The following S100PBP variants were observed in gnomAD, a reference collection of about 807,000 sequenced individuals.
S100PBP encodes S100P-binding protein.
Under a neutral mutation model 39.9 loss-of-function variants are expected in S100PBP, and 15 were observed. That is an observed-to-expected ratio of 0.38 (90% CI 0.25 to 0.58). The LOEUF (loss-of-function observed/expected upper bound fraction) is 0.58, where lower values mean the gene tolerates loss of function less well. Ranked by LOEUF, S100PBP falls within the 20% of genes least tolerant of loss-of-function variation. S100PBP has a pLI of 0.70. For missense variants in S100PBP, 504 were observed against 487.3 expected (o/e 1.03, Z -0.32); for synonymous variants, 178 against 180.3 (o/e 0.99, Z 0.10).
At chr1:32,831,217 CT>C (rs1639584773) in intron 5 of S100PBP, among the ~76,000 whole-genome samples, 1 of 151,828 alleles carries the variant, frequency 6.6e-6, no homozygotes, top group African/African-American at 2.4e-5. Context: ...GGTCTTGGCC[CT>C]CTGGGAATTC....
chr1:32,836,645 C>G, intron 5 of S100PBP: 2 of 875,302 alleles, frequency 2.3e-6, no homozygotes, highest in Non-Finnish European at 2.7e-6. Flanking sequence ...AGAGCTTTTT[C>G]CTAGAGCCTT....
Position 32,826,407 on chromosome 1 carries a change from G to A in S100PBP, c.308G>A (p.Ser103Asn), listed in dbSNP as rs61739743. 11,808 of 1,614,072 alleles carry A rather than the reference G, an allele frequency of 7.3e-3. 65 individuals carry two copies. The highest frequency in any genetic ancestry group is 0.026 in the Middle Eastern group (155 of 6,062). Residue 103 changes from serine (S) to asparagine (N), a missense_variant, in exon 3 of 7, where the codon AGC becomes AAC. Transcript: ENST00000373475. The part of the protein sequence containing the change: ...DTPREKNSSY[S>N]LGPVAETPDL... ...CCCCGAGAGAAAAATTCATCGTACA[G>A]CCTGGGACCAGTAGCTGAGACTCCT...
intron 4 of S100PBP, 133 bp from the exon 5 acceptor site, chr1:32,829,831 C>T: frequency 1.6e-6 from 1 of 643,306 alleles, no homozygotes; most frequent in Non-Finnish European, 2.7e-6. Flanking sequence ...TCCTCTGCCT[C>T]TCGATCATAA....
At chr1:32,840,431 C>T (rs1267769607) in intron 5 of S100PBP, among the ~76,000 whole-genome samples, 1 of 152,170 alleles carries the variant, frequency 6.6e-6, no homozygotes, top group South Asian at 2.1e-4. Flanking sequence ...TCTTGGCTCG[C>T]TACAACCTCC....
At chr1:32,853,039 C>T in intron 5 of S100PBP, 40 bp from the exon 6 acceptor site, 1 of 1,403,608 alleles carries the variant, frequency 7.1e-7, no homozygotes, top group Non-Finnish European at 1.0e-6. Flanking sequence ...TGACGTAGTT[C>T]ACTCAGCTGT....
chr1:32,846,420 T>C (rs1353174764), intron 5 of S100PBP, among the ~76,000 whole-genome samples: 1 of 151,982 alleles, frequency 6.6e-6, no homozygotes. Context: ...TCCATTTACA[T>C]TTAATGTACA....
At chr1:32,832,783 A>G (rs895864974) in intron 5 of S100PBP, among the ~76,000 whole-genome samples, 2 of 152,234 alleles carry the variant, frequency 1.3e-5, no homozygotes, top group African/African-American at 2.4e-5. Flanking sequence ...TCTTCAGGTT[A>G]TCAGACACAG....
At chr1:32,835,468 A>G (rs2148661148) in intron 5 of S100PBP, 1 of 152,294 alleles carries the variant, frequency 6.6e-6, no homozygotes, top group East Asian at 1.9e-4. Flanking sequence ...ACAATTCAGT[A>G]ATGTTACATA....
chr1:32,843,309 TC>T (rs1640204892), intron 5 of S100PBP: 1 of 109,496 alleles, frequency 9.1e-6, no homozygotes, highest in Non-Finnish European at 2.0e-5. Context: ...TGAGATCTTT[TC>T]TTTTTGTTTG....
At chr1:32,849,382 C>T (rs1449101237) in intron 5 of S100PBP, among the ~76,000 whole-genome samples, 1 of 152,206 alleles carries the variant, frequency 6.6e-6, no homozygotes, top group Non-Finnish European at 1.5e-5. Flanking sequence ...AGCCATCCGC[C>T]TGCCTCGGCC....
At chr1:32,817,085 G>A, upstream of S100PBP, 2 of 1,450,868 alleles carry the variant, frequency 1.4e-6, no homozygotes, top group Non-Finnish European at 1.9e-6. Flanking sequence ...CGCCAGCGCC[G>A]AGTCCCCGGC....
At chr1:32,836,074 A>G (rs181198921) in intron 5 of S100PBP, 1 of 151,332 alleles carries the variant, frequency 6.6e-6, no homozygotes, top group African/African-American at 2.4e-5. Flanking sequence ...TTGCAGTCCT[A>G]CCAACAGTGC....
chr1:32,853,546 G>A (rs981947047), intron 6 of S100PBP, among the ~76,000 whole-genome samples: 1 of 151,524 alleles, frequency 6.6e-6, no homozygotes, highest in Non-Finnish European at 1.5e-5. Context: ...GGGGAGTAGG[G>A]GTTGGAATTG....
chr1:32,848,390 C>A (rs1171778379), intron 5 of S100PBP, among the ~76,000 whole-genome samples: 1 of 152,186 alleles, frequency 6.6e-6, no homozygotes. Context: ...GTGACCAGTA[C>A]TTTTGCTGCT....
intron 5 of S100PBP, among the ~76,000 whole-genome samples, chr1:32,840,417 A>G (rs1016387089): frequency 1.3e-5 from 2 of 152,150 alleles, no homozygotes; most frequent in Non-Finnish European, 2.9e-5. Flanking sequence ...ATGCAATGGC[A>G]TGATCTTGGC....
At position 32,826,522 on chromosome 1, in the gene S100PBP, G is replaced by A. The variant is rs779805912; in HGVS notation, c.423G>A (p.Lys141=). The change falls in exon 3 of 7, where the codon AAG becomes AAA. Residue 141 remains lysine, a synonymous_variant. Transcript: ENST00000373475. ...TAAACAGACGCTCTGTACTAGAAAA[G>A]AATCTTATAAAAGTAACTGTTGCAC... ...KPLNRRSVLE[K]NLIKVTVAPF... is the part of the protein sequence containing the mutation. 6.8e-6 allele frequency: 11 copies of A among 1,614,066 alleles called. No individual in the cohort carries two copies. The highest frequency in any genetic ancestry group is 9.3e-6 in the Non-Finnish European group (11 of 1,180,024).
intron 5 of S100PBP, among the ~76,000 whole-genome samples, chr1:32,843,883 C>T (rs183595619): frequency 1.3e-5 from 2 of 152,044 alleles, no homozygotes; most frequent in East Asian, 1.9e-4. Flanking sequence ...CCACCATGCC[C>T]GGCTGAGATC....
chr1:32,855,854 CTTT>C lies in S100PBP; in HGVS notation c.1113-65_1113-63del, dbSNP rs935291542. ...ATCTTCTTAAAATTGTTGTGCTGGC[CTTT>C]TTTTGTGTACAAATAGCCATTCTAG... On this transcript the variant is annotated intron_variant, in intron 6 of 6. Coordinates refer to ENST00000373475, the MANE Select transcript of S100PBP (RefSeq NM_022753.4). 29 of 907,004 alleles carry C rather than the reference CTTT, an allele frequency of 3.2e-5. 1 individual carries two copies. The highest frequency in any genetic ancestry group is 2.3e-4 in the Middle Eastern group (1 of 4,422). The allele number at this position is 907,004 out of a possible 1,614,324, so 56.2% of individuals were successfully genotyped here.
At chr1:32,839,474 C>T (rs896333858) in intron 5 of S100PBP, among the ~76,000 whole-genome samples, 3 of 152,192 alleles carry the variant, frequency 2.0e-5, no homozygotes, top group Non-Finnish European at 4.4e-5. Flanking sequence ...ACCCTGCTTG[C>T]AATTCTTACA....
Sources: allele counts gnomAD v4.1 joint callset (sites outside exome capture counted in the v4.1 genomes callset), GRCh38; gene constraint gnomAD v4.1.1; transcripts MANE v1.5; gene names NCBI Gene and HGNC (gene_info 2026-07-23, HGNC 2026-07-21).